The following ANO3 variants were observed in gnomAD, a reference collection of about 807,000 sequenced individuals.
The protein encoded by ANO3 is anoctamin 3, also known as anoctamin-3.
ANO3 carries 99 observed loss-of-function variants against 144.8 expected under a neutral mutation model. The ratio of observed to expected loss-of-function variants is 0.68; its 90% CI spans 0.58 to 0.81. The LOEUF is 0.81. ANO3 is among the 30% of genes least tolerant of loss of function. The pLI, the probability that ANO3 is intolerant of heterozygous loss-of-function variation, is 0.00. For missense variants in ANO3, 905 were observed against 1,202.2 expected (o/e 0.75, Z 3.66); for synonymous variants, 414 against 392.6 (o/e 1.05, Z -0.64).
At chr11:26,332,117 G>T, upstream of ANO3, 2 of 1,486,778 alleles carry the variant, frequency 1.3e-6, no homozygotes, top group South Asian at 1.3e-5. Flanking sequence ...CGACACCGGC[G>T]GGCGCGTAGC....
chr11:26,320,479 T>C (rs555478288), intron 1 of ANO3, among the ~76,000 whole-genome samples: 1 of 152,320 alleles, frequency 6.6e-6, no homozygotes, highest in African/African-American at 2.4e-5. Flanking sequence ...CTTAAAAACT[T>C]CTGTTAAATG....
intron 1 of ANO3, among the ~76,000 whole-genome samples, chr11:26,386,856 A>T (rs9943493): frequency 0.26 from 40,169 of 151,846 alleles, 5,902 homozygotes; most frequent in African/African-American, 0.4. Flanking sequence ...AGTAAAATTT[A>T]AATCATGTAT....
intron 1 of ANO3, among the ~76,000 whole-genome samples, chr11:26,391,299 A>C (rs1426876168): frequency 6.6e-6 from 1 of 152,008 alleles, no homozygotes; most frequent in African/African-American, 2.4e-5. Flanking sequence ...ATGATGATTA[A>C]CCTGTTCCCT....
At chr11:26,595,460 G>GTTGTT (rs1301892343) in intron 14 of ANO3, among the ~76,000 whole-genome samples, 3 of 101,384 alleles carry the variant, frequency 3.0e-5, no homozygotes, top group African/African-American at 1.3e-4. Context: ...AGATAGAGTT[G>GTTGTT]TTTTTTTTTT....
At chr11:26,443,968 A>G (rs1465936772) in intron 3 of ANO3, 132 bp downstream of exon 3, 1 of 513,454 alleles carries the variant, frequency 1.9e-6, no homozygotes, top group East Asian at 3.1e-5. Flanking sequence ...AGGTGAGTAT[A>G]ATATTCTGAG....
At chr11:26,501,361 A>G (rs1861186587) in intron 4 of ANO3, among the ~76,000 whole-genome samples, 1 of 152,200 alleles carries the variant, frequency 6.6e-6, no homozygotes, top group Non-Finnish European at 1.5e-5. Context: ...AATCCAATAA[A>G]AAATAAAAAT....
chr11:26,541,824 G>A, intron 10 of ANO3, 123 bp from the exon 11 acceptor site: 4 of 895,388 alleles, frequency 4.5e-6, no homozygotes, highest in Middle Eastern at 3.6e-4. Context: ...ATGGGCTTAA[G>A]TTTATCATTT....
At chr11:26,197,102 G>C (rs553473141) in intron 1 of ANO3, among the ~76,000 whole-genome samples, 5 of 152,198 alleles carry the variant, frequency 3.3e-5, no homozygotes, top group African/African-American at 1.2e-4. Context: ...GGAATCACTG[G>C]CATACCCTGG....
chr11:26,589,603 C>A (rs952191581), intron 14 of ANO3, among the ~76,000 whole-genome samples: 3 of 152,022 alleles, frequency 2.0e-5, no homozygotes, highest in African/African-American at 7.2e-5. Context: ...TATTTTCCCC[C>A]AAAAGTCCCT....
chr11:26,517,386 A>G (rs1861903443), intron 6 of ANO3, among the ~76,000 whole-genome samples: 1 of 152,092 alleles, frequency 6.6e-6, no homozygotes, highest in African/African-American at 2.4e-5. Context: ...CTCAATAACA[A>G]GAAATAAATG....
chr11:26,525,218 C>G (rs1849131007), intron 6 of ANO3, among the ~76,000 whole-genome samples: 1 of 151,934 alleles, frequency 6.6e-6, no homozygotes, highest in Non-Finnish European at 1.5e-5. Flanking sequence ...CTTAGCAAAT[C>G]AGAAGTATTT....
At chr11:26,380,013 A>G (rs943510525) in intron 1 of ANO3, among the ~76,000 whole-genome samples, 2 of 152,098 alleles carry the variant, frequency 1.3e-5, no homozygotes, top group Admixed American at 6.6e-5. Context: ...AGGGGTTTTT[A>G]GTGTCTACAA....
chr11:26,384,861 G>A (rs1379037690), intron 1 of ANO3, among the ~76,000 whole-genome samples: 2 of 152,122 alleles, frequency 1.3e-5, no homozygotes, highest in South Asian at 2.1e-4. Context: ...TTCTGTGAAC[G>A]TCTCTCTTTG....
At chr11:26,328,944 C>T (rs1193863324), upstream of ANO3, among the ~76,000 whole-genome samples, 1 of 151,024 alleles carries the variant, frequency 6.6e-6, no homozygotes, top group Non-Finnish European at 1.5e-5. Flanking sequence ...TATTTCTAGG[C>T]TTTTTTTTTC....
At chr11:26,235,770 G>A (rs893154581) in intron 1 of ANO3, among the ~76,000 whole-genome samples, 4 of 146,576 alleles carry the variant, frequency 2.7e-5, no homozygotes, top group East Asian at 2.5e-4. Context: ...ATTTTGTGTC[G>A]TCCCCCCACA....
intron 4 of ANO3, among the ~76,000 whole-genome samples, chr11:26,505,844 G>C (rs1250777333): frequency 6.6e-6 from 1 of 151,888 alleles, no homozygotes; most frequent in Non-Finnish European, 1.5e-5. Context: ...GTAGCTGGGC[G>C]TGGTGGCGGG....
At chr11:26,591,431 A>G (rs1851449792) in intron 14 of ANO3, among the ~76,000 whole-genome samples, 1 of 152,114 alleles carries the variant, frequency 6.6e-6, no homozygotes, top group Non-Finnish European at 1.5e-5. Context: ...CCATTTGAAG[A>G]ACCATTTGTA....
chr11:26,620,288 A>T (rs1483210775), intron 17 of ANO3, among the ~76,000 whole-genome samples: 1 of 152,196 alleles, frequency 6.6e-6, no homozygotes, highest in Non-Finnish European at 1.5e-5. Flanking sequence ...GTCATATTAC[A>T]GCAGCATGAC....
At chr11:26,341,800 G>C (rs1020941114) in intron 1 of ANO3, among the ~76,000 whole-genome samples, 8 of 152,178 alleles carry the variant, frequency 5.3e-5, no homozygotes, top group Non-Finnish European at 8.8e-5. Flanking sequence ...CAAACCACTG[G>C]TGTAAGTCCA....
Sources: gnomAD v4.1 joint callset for allele counts (sites outside exome capture counted in the v4.1 genomes callset) on GRCh38, gnomAD v4.1.1 for gene constraint, MANE v1.5 for transcripts, NCBI Gene and HGNC (gene_info 2026-07-23, HGNC 2026-07-21) for gene names.